CRB1: variants seen among roughly 807,000 people sequenced by gnomAD.
CRB1 encodes the protein crumbs cell polarity complex component 1.
In CRB1, 83 loss-of-function variants were observed where a neutral mutation model predicts 120.0. The ratio of observed to expected loss-of-function variants is 0.69; its 90% CI spans 0.58 to 0.83. The LOEUF (loss-of-function observed/expected upper bound fraction) is 0.83. CRB1 is among the 40% of genes least tolerant of loss of function. CRB1 has a pLI of 0.00. For synonymous variants in CRB1, 625 were observed against 612.5 expected, an observed-to-expected ratio of 1.02 and a Z score of -0.30; for missense variants, 1,699 against 1,687.6, an observed-to-expected ratio of 1.01 and a Z score of -0.12.
intron 11 of CRB1, among the ~76,000 whole-genome samples, chr1:197,467,000 G>A (rs1219987685): frequency 5.3e-5 from 8 of 152,148 alleles, no homozygotes; most frequent in African/African-American, 1.4e-4. Context: ...ATATCTTAGT[G>A]TCTGGGAGAG....
intron 1 of CRB1, among the ~76,000 whole-genome samples, chr1:197,282,326 C>T (rs1271026282): frequency 6.6e-6 from 1 of 151,620 alleles, no homozygotes; most frequent in Non-Finnish European, 1.5e-5. Flanking sequence ...GAAGAGAGAA[C>T]ACAAAAAATC....
At chr1:197,465,874 A>T (rs1666728445) in intron 11 of CRB1, among the ~76,000 whole-genome samples, 1 of 152,190 alleles carries the variant, frequency 6.6e-6, no homozygotes, top group Admixed American at 6.5e-5. Context: ...AAAGGTTTTT[A>T]TTTCTGTGTT....
chr1:197,219,931 C>A, the CRB1 span, among the ~76,000 whole-genome samples: 2 of 152,320 alleles, frequency 1.3e-5, no homozygotes, highest in Non-Finnish European at 2.9e-5. Flanking sequence ...GAGAAGAGTT[C>A]ATCTTTTCTT....
intron 1 of CRB1, among the ~76,000 whole-genome samples, chr1:197,281,978 G>A (rs1007495881): frequency 6.6e-6 from 1 of 150,780 alleles, no homozygotes; most frequent in African/African-American, 2.4e-5. Flanking sequence ...AAAAATTATA[G>A]ACTATATAAA....
chr1:197,337,090 G>A (rs531140697), intron 2 of CRB1, among the ~76,000 whole-genome samples: 1 of 152,292 alleles, frequency 6.6e-6, no homozygotes, highest in African/African-American at 2.4e-5. Context: ...ATGAAAAGGT[G>A]AGGCTTTTGG....
At chr1:197,215,238 A>T in the CRB1 span, among the ~76,000 whole-genome samples, 1 of 151,580 alleles carries the variant, frequency 6.6e-6, no homozygotes, top group Admixed American at 6.6e-5. Context: ...TGTAGTTCCC[A>T]TAATCCCCAA....
rs374556670 is a variant in CRB1 at position 197,335,771 on chromosome 1, A to G, written c.652+6768A>G. Among the ~76,000 whole-genome samples the G allele has an allele frequency of 1.6e-4, 24 of 152,338 alleles. No individual in the cohort carries two copies. The East Asian group carries it at 2.5e-3, about 16-fold the overall frequency. ...CTAGGCCTCCCAGAGTGGTGGGATT[A>G]CAGGCATGAGCCACCTCGCCCGGCC... On this transcript the variant is annotated intron_variant, in intron 2 of 11. Transcript: ENST00000367400.
At chr1:197,292,101 A>G (rs962188197) in intron 1 of CRB1, among the ~76,000 whole-genome samples, 3 of 152,060 alleles carry the variant, frequency 2.0e-5, no homozygotes, top group African/African-American at 7.2e-5. Flanking sequence ...GACACAAAAA[A>G]CCCTTTAAAA....
rs116751524 is a variant in CRB1, at chr1:197,451,024, G to C, written c.4005+8732G>C. The stretch of plus-strand genomic sequence containing the variant: ...AAAGGGATAGAATTTATTGAAAGAA[G>C]ATTTCAAGTCAGCATAAGAGGAAGC... On this transcript the variant is annotated intron_variant, in intron 11 of 11. Transcript: ENST00000367400. Among the ~76,000 whole-genome samples the C allele has an allele frequency of 7.3e-3, 1,067 of 146,006 alleles. 5 individuals carry two copies. The highest frequency in any genetic ancestry group is 0.012 in the Non-Finnish European group (781 of 66,440).
chr1:197,286,170 A>G (rs763639064), intron 1 of CRB1, among the ~76,000 whole-genome samples: 3 of 151,928 alleles, frequency 2.0e-5, no homozygotes, highest in Non-Finnish European at 4.4e-5. Flanking sequence ...CTTTTCCTTC[A>G]TGTGGCATCA....
chr1:197,456,839 C>T (rs903773796), intron 11 of CRB1, among the ~76,000 whole-genome samples: 1 of 152,058 alleles, frequency 6.6e-6, no homozygotes, highest in South Asian at 2.1e-4. Context: ...ATGGACACAG[C>T]CAAGGACACT....
chr1:197,452,437 C>G (rs1216772202), intron 11 of CRB1, among the ~76,000 whole-genome samples: 1 of 151,934 alleles, frequency 6.6e-6, no homozygotes, highest in South Asian at 2.1e-4. Context: ...TTATATAGGC[C>G]TAGGATCTTA....
At chr1:197,245,550 A>G in the CRB1 span, among the ~76,000 whole-genome samples, 1 of 152,094 alleles carries the variant, frequency 6.6e-6, no homozygotes, top group Non-Finnish European at 1.5e-5. Context: ...TTTGTTATAT[A>G]ATTCATTCTA....
intron 5 of CRB1, among the ~76,000 whole-genome samples, chr1:197,368,198 T>C (rs1017515648): frequency 1.3e-5 from 2 of 152,218 alleles, no homozygotes; most frequent in African/African-American, 4.8e-5. Flanking sequence ...GCATTGTTCC[T>C]AGAAATGCAC....
chr1:197,224,069 A>C, the CRB1 span, among the ~76,000 whole-genome samples: 1 of 152,218 alleles, frequency 6.6e-6, no homozygotes, highest in Non-Finnish European at 1.5e-5. Context: ...GAATGGACTC[A>C]TGTCTATAAA....
At chr1:197,240,406 C>T in the CRB1 span, among the ~76,000 whole-genome samples, 1 of 152,070 alleles carries the variant, frequency 6.6e-6, no homozygotes, top group East Asian at 1.9e-4. Flanking sequence ...TGCGATGTTC[C>T]CCTCCCTGTG....
At chr1:197,263,622 G>T (rs1209390655), upstream of CRB1, among the ~76,000 whole-genome samples, 2 of 151,994 alleles carry the variant, frequency 1.3e-5, no homozygotes, top group Non-Finnish European at 2.9e-5. Context: ...CTAAATTGGA[G>T]AAATCATATT....
the CRB1 span, among the ~76,000 whole-genome samples, chr1:197,255,965 T>TTATA: frequency 0.079 from 6,726 of 85,138 alleles, 352 homozygotes; most frequent in South Asian, 0.13. Flanking sequence ...ATAGAACATT[T>TTATA]TATATATATA....
intron 1 of CRB1, among the ~76,000 whole-genome samples, chr1:197,306,795 T>C (rs1657199206): frequency 1.3e-5 from 2 of 152,170 alleles, no homozygotes; most frequent in African/African-American, 4.8e-5. Context: ...TTTCTTGCCA[T>C]CTACAGTCAT....
Sources: allele counts gnomAD v4.1 joint callset (sites outside exome capture counted in the v4.1 genomes callset), GRCh38; gene constraint gnomAD v4.1.1; transcripts MANE v1.5; gene names NCBI Gene and HGNC (gene_info 2026-07-23, HGNC 2026-07-21).